The following LRBA variants were observed in gnomAD, a reference collection of about 807,000 sequenced individuals.
The protein encoded by LRBA is lipopolysaccharide-responsive and beige-like anchor protein.
Under a neutral mutation model 330.0 loss-of-function variants are expected in LRBA, and 176 were observed. The observed-to-expected ratio is 0.53, with a 90% CI of 0.47 to 0.60. The LOEUF (loss-of-function observed/expected upper bound fraction) is 0.60. Ranked by LOEUF, LRBA falls within the 20% of genes least tolerant of loss-of-function variation. The probability of loss-of-function intolerance (pLI) is 0.00; values close to 1 mark genes in which losing one functional copy is unlikely to be tolerated. For missense variants in LRBA, 3,259 were observed against 3,444.8 expected, an observed-to-expected ratio of 0.95 and a Z score of 1.35; for synonymous variants, 1,230 against 1,193.0, an observed-to-expected ratio of 1.03 and a Z score of -0.64.
At chr4:150,953,377 C>T (rs1737076579) in intron 2 of LRBA, among the ~76,000 whole-genome samples, 1 of 139,930 alleles carries the variant, frequency 7.1e-6, no homozygotes, top group Admixed American at 7.0e-5. Flanking sequence ...CCCCCTCCCC[C>T]TCCCCCCCCT....
intron 37 of LRBA, among the ~76,000 whole-genome samples, chr4:150,649,308 A>G (rs1042753431): frequency 1.3e-5 from 2 of 152,282 alleles, no homozygotes; most frequent in East Asian, 1.9e-4. Context: ...GATCCTTGAC[A>G]ATCAGGTCCC....
At chr4:150,721,769 C>T (rs1728969528) in intron 36 of LRBA, among the ~76,000 whole-genome samples, 1 of 152,030 alleles carries the variant, frequency 6.6e-6, no homozygotes, top group Admixed American at 6.5e-5. Flanking sequence ...CATGTGCTAC[C>T]TCACGCCTGG....
intron 56 of LRBA, among the ~76,000 whole-genome samples, chr4:150,269,857 T>G (rs1410956933): frequency 6.6e-6 from 1 of 152,078 alleles, no homozygotes; most frequent in Admixed American, 6.6e-5. Context: ...GGCGGGAGAA[T>G]CATTTGAGCC....
intron 47 of LRBA, among the ~76,000 whole-genome samples, chr4:150,386,925 C>T (rs1743159249): frequency 6.6e-6 from 1 of 152,160 alleles, no homozygotes; most frequent in Non-Finnish European, 1.5e-5. Context: ...TCGCCAGCAT[C>T]TGTTGCTTTT....
chr4:150,937,385 G>C (rs1359765047), intron 2 of LRBA, among the ~76,000 whole-genome samples: 1 of 152,114 alleles, frequency 6.6e-6, no homozygotes, highest in Non-Finnish European at 1.5e-5. Context: ...TATCTGAGCT[G>C]TAGTAATGGC....
At chr4:150,777,064 GTTTTGT>G (rs139910907) in intron 34 of LRBA, among the ~76,000 whole-genome samples, 9,596 of 101,066 alleles carry the variant, frequency 0.095, 842 homozygotes, top group African/African-American at 0.24. Context: ...TTTTTGAGGG[GTTTTGT>G]TGTTGTTGTT....
intron 37 of LRBA, among the ~76,000 whole-genome samples, chr4:150,629,415 G>A (rs878960886): frequency 3.3e-5 from 5 of 152,152 alleles, no homozygotes; most frequent in Admixed American, 2.6e-4. Context: ...AAAGCAGGTG[G>A]ATCACTTGAG....
chr4:150,287,594 T>C (rs1748298017), intron 53 of LRBA, among the ~76,000 whole-genome samples: 1 of 152,180 alleles, frequency 6.6e-6, no homozygotes, highest in South Asian at 2.1e-4. Flanking sequence ...GTCCCTACAA[T>C]GTCCTTCAAG....
intron 50 of LRBA, among the ~76,000 whole-genome samples, chr4:150,318,689 T>C (rs925144481): frequency 1.3e-5 from 2 of 152,206 alleles, no homozygotes; most frequent in African/African-American, 2.4e-5. Flanking sequence ...TAACTGCCTG[T>C]GGTGTATTCC....
intron 37 of LRBA, among the ~76,000 whole-genome samples, chr4:150,639,360 T>TAAAA (rs371245495): frequency 9.4e-6 from 1 of 106,690 alleles, no homozygotes; most frequent in Non-Finnish European, 1.8e-5. Context: ...TAAAGTATAA[T>TAAAA]AAAAAAAAAA....
intron 29 of LRBA, among the ~76,000 whole-genome samples, chr4:150,830,176 A>C (rs1746955954): frequency 1.3e-5 from 2 of 152,074 alleles, no homozygotes; most frequent in Admixed American, 6.6e-5. Flanking sequence ...GCATCCCTTG[A>C]CAAGCCCTTG....
intron 36 of LRBA, among the ~76,000 whole-genome samples, chr4:150,708,890 T>C (rs1785907367): frequency 6.6e-6 from 1 of 151,820 alleles, no homozygotes; most frequent in Non-Finnish European, 1.5e-5. Flanking sequence ...CAAATTCAAA[T>C]TGTTAATGAA....
intron 36 of LRBA, among the ~76,000 whole-genome samples, chr4:150,699,164 T>A (rs1784898775): frequency 6.6e-6 from 1 of 152,122 alleles, no homozygotes; most frequent in African/African-American, 2.4e-5. Context: ...CGAGAAAGAA[T>A]CTGGTCAAAA....
chr4:150,419,496 A>T (rs943665835), intron 46 of LRBA, among the ~76,000 whole-genome samples: 1 of 152,164 alleles, frequency 6.6e-6, no homozygotes. Flanking sequence ...ATAACTATGA[A>T]GGAATTTTTC....
intron 36 of LRBA, among the ~76,000 whole-genome samples, chr4:150,710,654 T>A (rs1261424574): frequency 6.6e-6 from 1 of 152,128 alleles, no homozygotes; most frequent in Non-Finnish European, 1.5e-5. Flanking sequence ...ACGTACCAAA[T>A]TCCCTATTTT....
At chr4:150,325,978 T>C (rs1167302481) in intron 48 of LRBA, 80 bp from the exon 49 acceptor site, 1 of 794,576 alleles carries the variant, frequency 1.3e-6, no homozygotes, top group Admixed American at 2.0e-5. Context: ...CCTGAAAATA[T>C]CATTCCATAC....
chr4:150,450,269 C>T (rs1753184355), intron 44 of LRBA, among the ~76,000 whole-genome samples: 1 of 152,086 alleles, frequency 6.6e-6, no homozygotes, highest in Non-Finnish European at 1.5e-5. Flanking sequence ...TATTAGTTTC[C>T]TAGGGCTCCT....
intron 53 of LRBA, among the ~76,000 whole-genome samples, chr4:150,295,204 T>C (rs889037256): frequency 7.8e-4 from 116 of 148,066 alleles, no homozygotes; most frequent in African/African-American, 1.9e-3. Flanking sequence ...CTTTTTTTTT[T>C]TTTTTTTTTT....
intron 26 of LRBA, among the ~76,000 whole-genome samples, chr4:150,846,089 A>T (rs1248120759): frequency 6.6e-6 from 1 of 152,196 alleles, no homozygotes; most frequent in African/African-American, 2.4e-5. Flanking sequence ...GAAAGAAATC[A>T]TGTCTTTTGC....
Sources: gnomAD v4.1 joint callset for allele counts (sites outside exome capture counted in the v4.1 genomes callset) on GRCh38, gnomAD v4.1.1 for gene constraint, MANE v1.5 for transcripts, NCBI Gene and HGNC (gene_info 2026-07-23, HGNC 2026-07-21) for gene names.